Variants in SLC25A21 observed in about 807,000 individuals in gnomAD.
The protein encoded by SLC25A21 is mitochondrial 2-oxodicarboxylate carrier.
In SLC25A21, 47 loss-of-function variants were observed where a neutral mutation model predicts 43.8. The ratio of observed to expected loss-of-function variants is 1.07; its 90% CI spans 0.85 to 1.37. The LOEUF (loss-of-function observed/expected upper bound fraction) is 1.37, where lower values mean the gene tolerates loss of function less well. Ranked by LOEUF, SLC25A21 falls within the 40% of genes most tolerant of loss-of-function variation. The pLI, the probability that SLC25A21 is intolerant of heterozygous loss-of-function variation, is 0.00. For missense variants in SLC25A21, 352 were observed against 350.2 expected (o/e 1.00, Z -0.04); for synonymous variants, 131 against 121.3 (o/e 1.08, Z -0.52).
At chr14:36,953,594 T>C (rs962156454) in intron 1 of SLC25A21, among the ~76,000 whole-genome samples, 7 of 152,228 alleles carry the variant, frequency 4.6e-5, no homozygotes, top group African/African-American at 9.6e-5. Context: ...CTTTATTTCA[T>C]ATCGCAAACA....
chr14:36,883,447 C>A (rs990644440), intron 1 of SLC25A21, among the ~76,000 whole-genome samples: 1 of 152,176 alleles, frequency 6.6e-6, no homozygotes, highest in South Asian at 2.1e-4. Flanking sequence ...AATGTCTTCA[C>A]GCTGCTCTGC....
intron 1 of SLC25A21, among the ~76,000 whole-genome samples, chr14:37,032,305 G>T (rs1450428158): frequency 6.6e-6 from 1 of 152,104 alleles, no homozygotes; most frequent in Non-Finnish European, 1.5e-5. Context: ...GGAGGCTGAG[G>T]CTGGTGGATC....
intron 2 of SLC25A21, among the ~76,000 whole-genome samples, chr14:36,857,651 C>T (rs926126667): frequency 1.3e-5 from 2 of 152,202 alleles, no homozygotes; most frequent in South Asian, 2.1e-4. Flanking sequence ...AGCCCTCCTG[C>T]GTCCTTCAGG....
chr14:36,980,365 T>C (rs140899196), intron 1 of SLC25A21, among the ~76,000 whole-genome samples: 239 of 152,330 alleles, frequency 1.6e-3, no homozygotes, highest in Middle Eastern at 6.8e-3. Context: ...CCATTCTCCC[T>C]GTCACTTTCA....
intron 1 of SLC25A21, among the ~76,000 whole-genome samples, chr14:37,033,106 T>C (rs991211313): frequency 7.2e-5 from 11 of 152,274 alleles, no homozygotes; most frequent in Admixed American, 5.9e-4. Flanking sequence ...TAACACTCTA[T>C]ACCCACTAAA....
intron 3 of SLC25A21, among the ~76,000 whole-genome samples, chr14:36,812,173 A>T (rs1222752363): frequency 6.6e-6 from 1 of 152,202 alleles, no homozygotes; most frequent in Non-Finnish European, 1.5e-5. Flanking sequence ...CAATTCCAGT[A>T]ACATTCAAAG....
intron 1 of SLC25A21, among the ~76,000 whole-genome samples, chr14:36,966,442 C>T (rs933222478): frequency 6.6e-6 from 1 of 152,138 alleles, no homozygotes; most frequent in Non-Finnish European, 1.5e-5. Flanking sequence ...ACTCAGACAC[C>T]TCAGAGAAGA....
intron 1 of SLC25A21, among the ~76,000 whole-genome samples, chr14:37,028,102 T>C (rs1961131965): frequency 6.6e-6 from 1 of 152,134 alleles, no homozygotes; most frequent in African/African-American, 2.4e-5. Flanking sequence ...ATATCCAAAT[T>C]CTTAAATAAC....
chr14:36,857,242 G>C (rs145283674), intron 2 of SLC25A21, among the ~76,000 whole-genome samples: 1 of 152,284 alleles, frequency 6.6e-6, no homozygotes, highest in East Asian at 1.9e-4. Flanking sequence ...GACCCCTCTG[G>C]AGGGCAGGCC....
chr14:36,815,474 A>G (rs548348339), intron 2 of SLC25A21, among the ~76,000 whole-genome samples: 8 of 152,320 alleles, frequency 5.3e-5, no homozygotes, highest in Admixed American at 2.6e-4. Context: ...ACAGTTTACT[A>G]TCGCTACTCG....
At chr14:37,098,774 C>CAGAT (rs1446755880) in intron 1 of SLC25A21, among the ~76,000 whole-genome samples, 31 of 120,002 alleles carry the variant, frequency 2.6e-4, no homozygotes, top group African/African-American at 1.0e-3. Flanking sequence ...GACAGACAGA[C>CAGAT]AGACAGACAG....
intron 1 of SLC25A21, among the ~76,000 whole-genome samples, chr14:37,152,896 T>C (rs555651794): frequency 1.3e-5 from 2 of 152,234 alleles, no homozygotes; most frequent in South Asian, 2.1e-4. Flanking sequence ...ACTGGAATAG[T>C]ATATAGACAG....
At chr14:37,030,721 C>T (rs1961193442) in intron 1 of SLC25A21, among the ~76,000 whole-genome samples, 1 of 152,144 alleles carries the variant, frequency 6.6e-6, no homozygotes, top group African/African-American at 2.4e-5. Flanking sequence ...AAAGAACACA[C>T]TATAAAAACT....
intron 7 of SLC25A21, among the ~76,000 whole-genome samples, chr14:36,704,816 A>G (rs1883438261): frequency 6.6e-6 from 1 of 152,172 alleles, no homozygotes; most frequent in Non-Finnish European, 1.5e-5. Flanking sequence ...TCAGTAACTC[A>G]TCTCTGGGCC....
At chr14:36,733,258 T>C (rs1189233702) in intron 4 of SLC25A21, among the ~76,000 whole-genome samples, 1 of 152,238 alleles carries the variant, frequency 6.6e-6, no homozygotes, top group African/African-American at 2.4e-5. Flanking sequence ...ATTTGTTTAC[T>C]TGGGCAATCT....
intron 1 of SLC25A21, among the ~76,000 whole-genome samples, chr14:37,106,041 C>G (rs954929702): frequency 6.6e-6 from 1 of 152,170 alleles, no homozygotes; most frequent in Non-Finnish European, 1.5e-5. Flanking sequence ...TTACTTTACT[C>G]TCTTAATCCT....
chr14:36,917,199 CACTT>C (rs1314157892), intron 1 of SLC25A21, among the ~76,000 whole-genome samples: 5 of 152,076 alleles, frequency 3.3e-5, no homozygotes, highest in Non-Finnish European at 7.4e-5. Context: ...GGTTGCCAAA[CACTT>C]ACCCATAGAA....
At chr14:37,150,598 A>G (rs1737805365) in intron 1 of SLC25A21, among the ~76,000 whole-genome samples, 1 of 152,228 alleles carries the variant, frequency 6.6e-6, no homozygotes, top group African/African-American at 2.4e-5. Context: ...ACACACTTCT[A>G]GATCTAACTA....
At chr14:37,000,936 C>A (rs1960476038) in intron 1 of SLC25A21, among the ~76,000 whole-genome samples, 1 of 152,136 alleles carries the variant, frequency 6.6e-6, no homozygotes, top group Non-Finnish European at 1.5e-5. Flanking sequence ...AATTAAACCT[C>A]TTTTCTTCAT....
Sources: allele counts gnomAD v4.1 joint callset (sites outside exome capture counted in the v4.1 genomes callset), GRCh38; gene constraint gnomAD v4.1.1; transcripts MANE v1.5; gene names NCBI Gene and HGNC (gene_info 2026-07-23, HGNC 2026-07-21).